The following ATG10 variants were observed in gnomAD, a reference collection of about 807,000 sequenced individuals.
The protein encoded by ATG10 is ubiquitin-like-conjugating enzyme ATG10.
ATG10 carries 30 observed loss-of-function variants against 32.1 expected under a neutral mutation model. The observed-to-expected ratio is 0.94, with a 90% CI of 0.70 to 1.27. ATG10 has a LOEUF of 1.27. Ranked by LOEUF, ATG10 falls within the 50% of genes most tolerant of loss-of-function variation. The pLI is 0.00. For synonymous variants in ATG10, 87 were observed against 91.5 expected (o/e 0.95, Z 0.28); for missense variants, 233 against 262.3 (o/e 0.89, Z 0.77).
intron 2 of ATG10, among the ~76,000 whole-genome samples, chr5:82,039,061 G>A (rs1016214971): frequency 2.0e-5 from 3 of 152,122 alleles, no homozygotes; most frequent in Admixed American, 2.0e-4. Flanking sequence ...GCCCAGGCTT[G>A]TCTTGAACTC....
At chr5:82,071,033 G>C (rs1223805494) in intron 3 of ATG10, among the ~76,000 whole-genome samples, 1 of 152,000 alleles carries the variant, frequency 6.6e-6, no homozygotes, top group Non-Finnish European at 1.5e-5. Context: ...CTGGTGACAA[G>C]GAATATATTT....
At chr5:82,227,840 G>T (rs1314617461) in intron 5 of ATG10, among the ~76,000 whole-genome samples, 1 of 152,152 alleles carries the variant, frequency 6.6e-6, no homozygotes, top group African/African-American at 2.4e-5. Context: ...ATAAAATGGG[G>T]ATTATAATAA....
chr5:81,975,100 A>T (rs1366057404), intron 1 of ATG10, among the ~76,000 whole-genome samples: 3 of 152,194 alleles, frequency 2.0e-5, no homozygotes. Flanking sequence ...AAATAAAGAA[A>T]ATCCTAGTAA....
chr5:82,180,212 A>C (rs907524227), intron 5 of ATG10, among the ~76,000 whole-genome samples: 1 of 151,742 alleles, frequency 6.6e-6, no homozygotes, highest in African/African-American at 2.4e-5. Flanking sequence ...TTTATCTTCT[A>C]CTCCTCTGCT....
At chr5:82,153,636 A>G (rs1028360888) in intron 3 of ATG10, among the ~76,000 whole-genome samples, 1 of 152,232 alleles carries the variant, frequency 6.6e-6, no homozygotes, top group Non-Finnish European at 1.5e-5. Context: ...AGTGCTACAT[A>G]AAACTGGTTT....
chr5:82,108,486 T>C (rs1193445404), intron 3 of ATG10, among the ~76,000 whole-genome samples: 1 of 151,984 alleles, frequency 6.6e-6, no homozygotes, highest in African/African-American at 2.4e-5. Flanking sequence ...ATAACATGTG[T>C]ATATATCTCA....
intron 3 of ATG10, among the ~76,000 whole-genome samples, chr5:82,063,069 A>G (rs1048698016): frequency 7.9e-4 from 120 of 152,238 alleles, no homozygotes; most frequent in African/African-American, 2.8e-3. Context: ...CTGTAATCCC[A>G]GTGCTTCGTT....
chr5:82,104,115 A>AT (rs1554048143), intron 3 of ATG10, among the ~76,000 whole-genome samples: 2 of 151,796 alleles, frequency 1.3e-5, no homozygotes, highest in Non-Finnish European at 2.9e-5. Context: ...TGTTCCTTCC[A>AT]TTTTTTGGCT....
At chr5:82,253,458 T>C (rs1747343644) in intron 7 of ATG10, 29 bp downstream of exon 7, 3 of 1,450,446 alleles carry the variant, frequency 2.1e-6, no homozygotes, top group Non-Finnish European at 2.9e-6. Flanking sequence ...TTTAATGTTT[T>C]GCCGTTACAA....
intron 3 of ATG10, among the ~76,000 whole-genome samples, chr5:82,162,944 A>C (rs971862148): frequency 6.6e-6 from 1 of 152,122 alleles, no homozygotes; most frequent in Non-Finnish European, 1.5e-5. Context: ...ATGGTTACAA[A>C]CCTGAGGTAT....
chr5:82,049,218 A>G (rs1318624088), intron 2 of ATG10, among the ~76,000 whole-genome samples: 1 of 152,024 alleles, frequency 6.6e-6, no homozygotes, highest in Non-Finnish European at 1.5e-5. Context: ...CTATGCAGCC[A>G]TAAAAAATGA....
chr5:82,072,175 T>G (rs1009560229), intron 3 of ATG10, among the ~76,000 whole-genome samples: 3 of 152,160 alleles, frequency 2.0e-5, no homozygotes, highest in Non-Finnish European at 2.9e-5. Flanking sequence ...AGTATGAACA[T>G]GTAGGTAGAA....
At chr5:82,138,867 C>T (rs1181306077) in intron 3 of ATG10, among the ~76,000 whole-genome samples, 2 of 90,426 alleles carry the variant, frequency 2.2e-5, no homozygotes, top group Non-Finnish European at 4.4e-5. Context: ...CCCCCTCCCC[C>T]TCCCCCTCCC....
At chr5:82,068,714 GTA>G (rs1344186603) in intron 3 of ATG10, among the ~76,000 whole-genome samples, 2 of 133,326 alleles carry the variant, frequency 1.5e-5, no homozygotes, top group Admixed American at 8.2e-5. Context: ...TATATATCAA[GTA>G]TATATATATA....
intron 3 of ATG10, among the ~76,000 whole-genome samples, chr5:82,143,183 C>T (rs1407647857): frequency 1.3e-5 from 2 of 152,334 alleles, no homozygotes; most frequent in Middle Eastern, 6.8e-3. Context: ...TTCACAGATA[C>T]AGTCATTAGA....
intron 5 of ATG10, among the ~76,000 whole-genome samples, chr5:82,209,966 T>C (rs1745435518): frequency 1.3e-5 from 2 of 152,222 alleles, no homozygotes; most frequent in South Asian, 2.1e-4. Context: ...AAGTCTTTCA[T>C]TGAATTCTAA....
At chr5:82,242,140 TA>T (rs1215665023) in intron 5 of ATG10, among the ~76,000 whole-genome samples, 1 of 152,110 alleles carries the variant, frequency 6.6e-6, no homozygotes, top group Non-Finnish European at 1.5e-5. Context: ...ATATTGAACA[TA>T]TTTTTAAAAA....
intron 4 of ATG10, among the ~76,000 whole-genome samples, chr5:82,166,541 C>T (rs1161790192): frequency 6.6e-6 from 1 of 152,068 alleles, no homozygotes; most frequent in Non-Finnish European, 1.5e-5. Context: ...TTTCTTTCCA[C>T]CTAACTTAAC....
intron 2 of ATG10, among the ~76,000 whole-genome samples, chr5:82,052,476 T>C (rs1763462870): frequency 6.6e-6 from 1 of 152,190 alleles, no homozygotes; most frequent in Non-Finnish European, 1.5e-5. Context: ...AAGTTTAAGA[T>C]TGGAATCTAC....
Sources: gnomAD v4.1 joint callset for allele counts (sites outside exome capture counted in the v4.1 genomes callset) on GRCh38, gnomAD v4.1.1 for gene constraint, MANE v1.5 for transcripts, NCBI Gene and HGNC (gene_info 2026-07-23, HGNC 2026-07-21) for gene names.